The following KDM4B variants were observed in gnomAD, a reference collection of about 807,000 sequenced individuals.
The protein encoded by KDM4B is lysine-specific demethylase 4B.
In KDM4B, 32 loss-of-function variants were observed where a neutral mutation model predicts 125.2. The observed-to-expected ratio is 0.26, with a 90% CI of 0.19 to 0.34. KDM4B has a LOEUF of 0.34. Ranked by LOEUF, KDM4B falls within the 10% of genes least tolerant of loss-of-function variation. The pLI, the probability that KDM4B is intolerant of heterozygous loss-of-function variation, is 1.00. For synonymous variants in KDM4B, 721 were observed against 677.9 expected, an observed-to-expected ratio of 1.06 and a Z score of -0.99; for missense variants, 1,190 against 1,577.7, an observed-to-expected ratio of 0.75 and a Z score of 4.16.
intron 22 of KDM4B, 46 bp downstream of exon 22, chr19:5,150,496 C>A: frequency 2.1e-6 from 3 of 1,402,006 alleles, no homozygotes; most frequent in Non-Finnish European, 2.9e-6. Context: ...ACTCAGGGAG[C>A]CCGTCTGGGA....
intron 1 of KDM4B, among the ~76,000 whole-genome samples, chr19:5,006,218 C>T (rs1292014890): frequency 7.9e-5 from 12 of 152,062 alleles, no homozygotes; most frequent in Non-Finnish European, 1.3e-4. Flanking sequence ...GTCTGTCCCG[C>T]CACTACTGGA....
intron 9 of KDM4B, among the ~76,000 whole-genome samples, chr19:5,104,696 A>G (rs984261008): frequency 6.6e-6 from 1 of 151,976 alleles, no homozygotes; most frequent in South Asian, 2.1e-4. Context: ...TTTTAGGTGG[A>G]GCGTATTGGA....
chr19:4,994,278 A>G (rs975548231), intron 1 of KDM4B, among the ~76,000 whole-genome samples: 1 of 149,878 alleles, frequency 6.7e-6, no homozygotes, highest in South Asian at 2.3e-4. Flanking sequence ...TTGAATCTAA[A>G]GAGTGTCCCC....
intron 9 of KDM4B, among the ~76,000 whole-genome samples, chr19:5,085,399 C>A (rs1237707828): frequency 4.6e-5 from 7 of 152,226 alleles, no homozygotes; most frequent in Non-Finnish European, 1.0e-4. Flanking sequence ...ACCAGCCCAG[C>A]AGCAGATTGA....
chr19:5,131,607 G>A (rs1288542371), intron 12 of KDM4B, 62 bp downstream of exon 12: 18 of 698,966 alleles, frequency 2.6e-5, no homozygotes, highest in Admixed American at 9.3e-5. Flanking sequence ...GGGGAGGAGG[G>A]GGCAGGTGGG....
At chr19:5,068,047 G>A (rs942289846) in intron 6 of KDM4B, among the ~76,000 whole-genome samples, 3 of 151,550 alleles carry the variant, frequency 2.0e-5, no homozygotes, top group Admixed American at 6.6e-5. Flanking sequence ...CCCCTGCCTC[G>A]AGCTTTAGTG....
chr19:5,119,497 G>T (rs1328999242), intron 10 of KDM4B, among the ~76,000 whole-genome samples, 156 bp from the exon 11 acceptor site: 1 of 152,208 alleles, frequency 6.6e-6, no homozygotes, highest in Non-Finnish European at 1.5e-5. Context: ...CCCACCCAGG[G>T]TTCCCTTTAC....
intron 1 of KDM4B, among the ~76,000 whole-genome samples, chr19:5,015,477 C>T (rs546516662): frequency 6.6e-6 from 1 of 152,234 alleles, no homozygotes; most frequent in East Asian, 1.9e-4. Flanking sequence ...GTCTTGAACC[C>T]CTGACCTCAG....
chr19:5,098,504 C>A (rs943851940), intron 9 of KDM4B, among the ~76,000 whole-genome samples: 1 of 152,128 alleles, frequency 6.6e-6, no homozygotes, highest in Non-Finnish European at 1.5e-5. Context: ...ACTTGCCCAG[C>A]CTGTGGGGTT....
At chr19:5,056,198 G>A (rs534780239) in intron 6 of KDM4B, among the ~76,000 whole-genome samples, 1 of 152,288 alleles carries the variant, frequency 6.6e-6, no homozygotes, top group East Asian at 1.9e-4. Context: ...GTTTTAGGGA[G>A]GAAGACCACA....
chr19:4,978,338 C>G (rs988808978), intron 1 of KDM4B, among the ~76,000 whole-genome samples: 1 of 151,716 alleles, frequency 6.6e-6, no homozygotes, highest in Admixed American at 6.6e-5. Context: ...GAAACCCCAT[C>G]TCTACTAAAA....
chr19:5,085,031 CTACTGGGA>C lies in KDM4B; in HGVS notation c.918+2528_918+2535del, dbSNP rs2038446265. Among the ~76,000 whole-genome samples, 3 of 152,212 alleles carry C rather than the reference CTACTGGGA, an allele frequency of 2.0e-5. No individual in the cohort carries two copies. The South Asian group carries it at 6.2e-4, about 32-fold the overall frequency. On this transcript the variant is annotated intron_variant, in intron 9 of 22. Coordinates refer to ENST00000159111, the MANE Select transcript of KDM4B (RefSeq NM_015015.3). ...ACCTCTTTTTGCTTTTTTCTCCTGG[CTACTGGGA>C]AAATGGAGGCAGCATAGGTGGCCTG...
chr19:5,034,168 C>T (rs62114357), intron 3 of KDM4B, among the ~76,000 whole-genome samples: 34,065 of 152,050 alleles, frequency 0.22, 4,693 homozygotes, highest in East Asian at 0.65. Context: ...TGGTGCTGCA[C>T]GTTTCACGGC....
intron 6 of KDM4B, among the ~76,000 whole-genome samples, chr19:5,052,751 C>T (rs1371071483): frequency 6.6e-6 from 1 of 152,134 alleles, no homozygotes; most frequent in Non-Finnish European, 1.5e-5. Flanking sequence ...ATGGAGCTGG[C>T]GAGCCCGTCC....
intron 1 of KDM4B, among the ~76,000 whole-genome samples, chr19:4,980,117 A>G (rs910738980): frequency 7.4e-5 from 11 of 148,892 alleles, no homozygotes; most frequent in African/African-American, 2.7e-4. Flanking sequence ...AAAAAAAAAG[A>G]TACAATTTAG....
At chr19:5,069,605 C>CTGTTTGTT (rs544924990) in intron 6 of KDM4B, among the ~76,000 whole-genome samples, 75 of 147,124 alleles carry the variant, frequency 5.1e-4, no homozygotes, top group Non-Finnish European at 9.7e-4. Flanking sequence ...TGCACCCGGC[C>CTGTTTGTT]TGTTTGTTTG....
At chr19:4,987,039 A>G (rs977416190) in intron 1 of KDM4B, among the ~76,000 whole-genome samples, 1 of 151,314 alleles carries the variant, frequency 6.6e-6, no homozygotes, top group East Asian at 1.9e-4. Flanking sequence ...GCTCACTGCA[A>G]CCTCTGCCTA....
chr19:5,050,388 G>A lies in KDM4B; in HGVS notation c.626+2719G>A, dbSNP rs547889705. 4.4e-4 allele frequency among the ~76,000 whole-genome samples: 67 copies of A among 152,386 alleles called. 1 individual carries two copies. The highest frequency in any genetic ancestry group is 8.8e-4 in the Non-Finnish European group (60 of 68,044). ...TTTGGCAATGCGGATTGAAACCAGA[G>A]CCAGCACCTGCAACTTCCCCCCGCC... On this transcript the variant is annotated intron_variant, in intron 6 of 22. Transcript: ENST00000159111.
intron 1 of KDM4B, among the ~76,000 whole-genome samples, chr19:4,987,432 T>C (rs1022965741): frequency 2.0e-5 from 3 of 152,046 alleles, no homozygotes; most frequent in Non-Finnish European, 4.4e-5. Flanking sequence ...GGCTGGAATC[T>C]GTCTGGGAGG....
Sources: allele counts gnomAD v4.1 joint callset (sites outside exome capture counted in the v4.1 genomes callset), GRCh38; gene constraint gnomAD v4.1.1; transcripts MANE v1.5; gene names NCBI Gene and HGNC (gene_info 2026-07-23, HGNC 2026-07-21).